The following CYP2C18 variants were observed in gnomAD, a reference collection of about 807,000 sequenced individuals.
CYP2C18 encodes cytochrome P450 2C18.
CYP2C18 carries 38 observed loss-of-function variants against 41.3 expected under a neutral mutation model. The ratio of observed to expected loss-of-function variants is 0.92; its 90% confidence interval spans 0.71 to 1.21. CYP2C18 has a LOEUF of 1.21. CYP2C18 is among the 50% of genes most tolerant of loss of function. CYP2C18 has a pLI of 0.00. For missense variants in CYP2C18, 635 were observed against 591.4 expected, an observed-to-expected ratio of 1.07 and a Z score of -0.77; for synonymous variants, 236 against 210.0, an observed-to-expected ratio of 1.12 and a Z score of -1.07.
At chr10:94,686,113 G>T (rs1209595207) in intron 1 of CYP2C18, among the ~76,000 whole-genome samples, 1 of 151,772 alleles carries the variant, frequency 6.6e-6, no homozygotes, top group Non-Finnish European at 1.5e-5. Context: ...TCTCTTCCTT[G>T]ATTAAATTTA....
At chr10:94,690,176 A>G (rs1315705014) in intron 3 of CYP2C18, among the ~76,000 whole-genome samples, 1 of 152,098 alleles carries the variant, frequency 6.6e-6, no homozygotes, top group Non-Finnish European at 1.5e-5. Flanking sequence ...TGGATACAAA[A>G]TCCTCGGTGA....
At chr10:94,692,703 T>C (rs1847028301) in intron 3 of CYP2C18, among the ~76,000 whole-genome samples, 1 of 152,284 alleles carries the variant, frequency 6.6e-6, no homozygotes, top group South Asian at 2.1e-4. Context: ...ATTATGCTGC[T>C]ATAAAGACAC....
rs764632353 is a variant in CYP2C18 at position 94,724,344 on chromosome 10, A to T, written c.962-2A>T. 6.2e-7 allele frequency: 1 copy of T among 1,613,028 alleles called. No homozygotes were observed. The highest frequency in any genetic ancestry group is 8.5e-7 in the Non-Finnish European group (1 of 1,179,410). ...CATCATTTCTTACTTGTGTCTTATC[A>T]GCTAAAGTCCAGGAAGAGATTGAAT... is the stretch of plus-strand genomic sequence containing the variant. On this transcript the variant is annotated splice_acceptor_variant, in intron 6 of 8. Coordinates refer to ENST00000285979, the MANE Select transcript of CYP2C18 (RefSeq NM_000772.3). LOFTEE classifies it high-confidence loss of function.
intron 7 of CYP2C18, among the ~76,000 whole-genome samples, chr10:94,726,541 T>C (rs12762370): frequency 0.18 from 26,872 of 152,130 alleles, 2,618 homozygotes; most frequent in South Asian, 0.33. Flanking sequence ...TATGGTTGCA[T>C]AGTATTCCAT....
Position 94,706,837 on chromosome 10 carries a change from A to G in CYP2C18, c.696A>G (p.Lys232=), listed in dbSNP as rs751385384. The change falls in exon 5 of 9, where the codon AAA becomes AAG. Residue 232 remains lysine, a synonymous_variant. Transcript: ENST00000285979. ...ATTATCTCCCAGGAAGTCATAATAA[A>G]ATAGCTGAAAATTTTGCTTACATTA... ...LIDYLPGSHN[K]IAENFAYIKS... is the part of the protein sequence containing the mutation. The G allele has an allele frequency of 6.2e-7, 1 of 1,608,552 alleles. No individual in the cohort carries two copies. Among genetic ancestry groups the G allele is most frequent in the African/African-American group, 1.3e-5 (1 of 74,912 alleles).
At chr10:94,701,507 C>T (rs942054162) in intron 4 of CYP2C18, among the ~76,000 whole-genome samples, 40 of 152,192 alleles carry the variant, frequency 2.6e-4, no homozygotes, top group African/African-American at 9.6e-4. Context: ...TTAGGAGATA[C>T]ACCTAATGTT....
At chr10:94,713,875 A>G (rs1355206559) in intron 5 of CYP2C18, among the ~76,000 whole-genome samples, 2 of 152,210 alleles carry the variant, frequency 1.3e-5, no homozygotes, top group Non-Finnish European at 2.9e-5. Context: ...CGCCATTCTA[A>G]CTGGTGTGAG....
intron 5 of CYP2C18, among the ~76,000 whole-genome samples, chr10:94,715,715 T>G (rs1005900512): frequency 6.6e-6 from 1 of 152,158 alleles, no homozygotes; most frequent in African/African-American, 2.4e-5. Context: ...TTAGGGAGGA[T>G]TCCCTCTTTT....
chr10:94,711,879 T>C (rs893555464), intron 5 of CYP2C18, among the ~76,000 whole-genome samples: 3 of 151,948 alleles, frequency 2.0e-5, no homozygotes, highest in Non-Finnish European at 2.9e-5. Flanking sequence ...TCTTGCCCCA[T>C]TGCCCAGGCT....
intron 5 of CYP2C18, among the ~76,000 whole-genome samples, chr10:94,714,254 T>C (rs1475604864): frequency 1.3e-5 from 2 of 152,228 alleles, no homozygotes; most frequent in Non-Finnish European, 2.9e-5. Flanking sequence ...TCCTTGCCCA[T>C]GCCTATGTCC....
chr10:94,699,231 C>G (rs924274773), intron 4 of CYP2C18, among the ~76,000 whole-genome samples: 3 of 152,118 alleles, frequency 2.0e-5, no homozygotes, highest in Admixed American at 2.0e-4. Flanking sequence ...AAATCCTCAA[C>G]AAAATACTGG....
intron 8 of CYP2C18, among the ~76,000 whole-genome samples, chr10:94,734,762 G>A (rs1847891435): frequency 6.6e-6 from 1 of 152,154 alleles, no homozygotes; most frequent in South Asian, 2.1e-4. Context: ...AAGCCATTTG[G>A]CCTTTATCCC....
intron 6 of CYP2C18, 150 bp downstream of exon 6, chr10:94,720,687 A>G (rs932536561): frequency 1.1e-5 from 8 of 755,222 alleles, no homozygotes; most frequent in African/African-American, 1.8e-5. Flanking sequence ...TGATGAAGGG[A>G]TAAGAATGAG....
At chr10:94,715,069 GA>G (rs1259640651) in intron 5 of CYP2C18, among the ~76,000 whole-genome samples, 1 of 152,132 alleles carries the variant, frequency 6.6e-6, no homozygotes, top group Non-Finnish European at 1.5e-5. Context: ...CAGCTTTTTG[GA>G]GATTTTGGGC....
intron 3 of CYP2C18, among the ~76,000 whole-genome samples, chr10:94,691,442 A>G (rs1447074399): frequency 6.6e-6 from 1 of 152,178 alleles, no homozygotes; most frequent in Non-Finnish European, 1.5e-5. Context: ...AAGAGAATAA[A>G]ATACCTAGGA....
At chr10:94,719,720 G>A (rs777251996) in intron 5 of CYP2C18, among the ~76,000 whole-genome samples, 4 of 151,736 alleles carry the variant, frequency 2.6e-5, no homozygotes, top group South Asian at 2.1e-4. Context: ...GATTACAGGC[G>A]CATGCCATCA....
At position 94,688,562 on chromosome 10, in the gene CYP2C18, G is replaced by A. The variant is rs1468284888; in HGVS notation, c.481+288G>A. 3.9e-5 allele frequency among the ~76,000 whole-genome samples: 6 copies of A among 152,092 alleles called. No homozygotes were observed. In the East Asian group the frequency reaches 9.6e-4, roughly 24 times the overall value. ...ATGACATCCCTGGAAACCTCCTAGG[G>A]GCAGCCAGATCTTTCATGATAGTGG... is the stretch of plus-strand genomic sequence containing the variant. On this transcript the variant is annotated intron_variant, in intron 3 of 8. Transcript: ENST00000285979.
intron 5 of CYP2C18, among the ~76,000 whole-genome samples, chr10:94,713,161 A>G (rs1259261835): frequency 6.6e-6 from 1 of 151,756 alleles, no homozygotes; most frequent in African/African-American, 2.4e-5. Flanking sequence ...TTTTCTTCCA[A>G]TGTTATTTTT....
intron 8 of CYP2C18, 80 bp from the exon 9 acceptor site, chr10:94,735,183 C>G (rs772171371): frequency 5.2e-6 from 7 of 1,358,618 alleles, no homozygotes; most frequent in Non-Finnish European, 7.3e-6. Context: ...AATCATTTAT[C>G]AAATAGTTAC....
Sources: gnomAD v4.1 joint callset for allele counts (sites outside exome capture counted in the v4.1 genomes callset) on GRCh38, gnomAD v4.1.1 for gene constraint, MANE v1.5 for transcripts, NCBI Gene and HGNC (gene_info 2026-07-23, HGNC 2026-07-21) for gene names.